Variants in LOC128125817 observed in about 807,000 individuals in gnomAD.
chr1:41,615,473 G>A, the LOC128125817 span, among the ~76,000 whole-genome samples: 2 of 152,252 alleles, frequency 1.3e-5, no homozygotes, highest in Non-Finnish European at 2.9e-5. Flanking sequence ...CGTTTGACAG[G>A]TGAAGATGCT....
At chr1:41,603,319 C>T in the LOC128125817 span, among the ~76,000 whole-genome samples, 14 of 151,668 alleles carry the variant, frequency 9.2e-5, no homozygotes, top group African/African-American at 2.4e-4. Context: ...CCACCCACCT[C>T]GGCCTCCCAA....
chr1:41,618,671 G>T, the LOC128125817 span, among the ~76,000 whole-genome samples: 2 of 152,130 alleles, frequency 1.3e-5, no homozygotes, highest in Non-Finnish European at 2.9e-5. Flanking sequence ...GACCACCCCA[G>T]GCCCCAGTGA....
chr1:41,618,441 A>G, the LOC128125817 span, among the ~76,000 whole-genome samples: 1 of 152,182 alleles, frequency 6.6e-6, no homozygotes, highest in African/African-American at 2.4e-5. Flanking sequence ...CAAAGGGCGT[A>G]GTGTTGAGGA....
At chr1:41,612,307 G>A in the LOC128125817 span, among the ~76,000 whole-genome samples, 2 of 152,160 alleles carry the variant, frequency 1.3e-5, no homozygotes, top group East Asian at 3.9e-4. Context: ...TGTTTCAGAT[G>A]GATCATAATC....
At chr1:41,625,216 A>T in the LOC128125817 span, among the ~76,000 whole-genome samples, 1 of 122,338 alleles carries the variant, frequency 8.2e-6, no homozygotes, top group Non-Finnish European at 1.7e-5. Context: ...CTTTGCAGTC[A>T]AGCCAAACGA....
chr1:41,599,201 C>T, the LOC128125817 span, among the ~76,000 whole-genome samples: 3 of 152,028 alleles, frequency 2.0e-5, no homozygotes, highest in African/African-American at 4.8e-5. Context: ...TATTGGATAT[C>T]CATATTAAAA....
At chr1:41,612,540 G>A in the LOC128125817 span, among the ~76,000 whole-genome samples, 5 of 152,168 alleles carry the variant, frequency 3.3e-5, no homozygotes, top group African/African-American at 9.7e-5. Flanking sequence ...TTGCAGATGA[G>A]GAAACAGAGG....
the LOC128125817 span, among the ~76,000 whole-genome samples, chr1:41,603,275 C>T: frequency 6.6e-6 from 1 of 152,006 alleles, no homozygotes; most frequent in Non-Finnish European, 1.5e-5. Context: ...ACCATGTTGG[C>T]CAGGCTGGTC....
At chr1:41,628,633 G>C in the LOC128125817 span, 1 of 850,898 alleles carries the variant, frequency 1.2e-6, no homozygotes, top group South Asian at 6.2e-5. Context: ...GAAAGGCAAC[G>C]ATAACACTAA....
the LOC128125817 span, among the ~76,000 whole-genome samples, chr1:41,624,387 A>G: frequency 2.0e-5 from 3 of 152,232 alleles, no homozygotes; most frequent in African/African-American, 7.2e-5. Context: ...ACATTCAAAC[A>G]TGCTCTATAG....
At chr1:41,588,917 G>C in the LOC128125817 span, among the ~76,000 whole-genome samples, 1 of 152,128 alleles carries the variant, frequency 6.6e-6, no homozygotes, top group African/African-American at 2.4e-5. Context: ...GGGGGAGAAG[G>C]GCAGCCAGGA....
chr1:41,617,484 CT>C, the LOC128125817 span, among the ~76,000 whole-genome samples: 1 of 152,204 alleles, frequency 6.6e-6, no homozygotes, highest in African/African-American at 2.4e-5. Context: ...CTCAAGTATT[CT>C]GTTACCCAGT....
chr1:41,618,931 G>A, the LOC128125817 span, among the ~76,000 whole-genome samples: 5 of 152,144 alleles, frequency 3.3e-5, no homozygotes, highest in African/African-American at 7.2e-5. Context: ...CATGGCCCCC[G>A]CAGTTGCCAC....
chr1:41,589,768 C>T, the LOC128125817 span, among the ~76,000 whole-genome samples: 4 of 152,154 alleles, frequency 2.6e-5, no homozygotes, highest in Non-Finnish European at 5.9e-5. Context: ...CTAAGCTGGC[C>T]CCAGGCTGGT....
the LOC128125817 span, among the ~76,000 whole-genome samples, chr1:41,610,736 G>C: frequency 6.6e-6 from 1 of 152,106 alleles, no homozygotes; most frequent in Non-Finnish European, 1.5e-5. Flanking sequence ...ACTGAATTCC[G>C]AGCGCAATTT....
At chr1:41,600,773 T>C in the LOC128125817 span, among the ~76,000 whole-genome samples, 6 of 152,184 alleles carry the variant, frequency 3.9e-5, no homozygotes, top group African/African-American at 1.4e-4. Context: ...AATAAGAATA[T>C]GTCATGAAGT....
chr1:41,585,378 A>G, the LOC128125817 span: 1 of 398,806 alleles, frequency 2.5e-6, no homozygotes, highest in East Asian at 3.6e-5. Flanking sequence ...AGACAGAGTT[A>G]CTGGGACTCA....
chr1:41,595,605 G>C, the LOC128125817 span, among the ~76,000 whole-genome samples: 48 of 152,268 alleles, frequency 3.2e-4, no homozygotes, highest in Admixed American at 3.0e-3. Flanking sequence ...GATTAATATC[G>C]AATGTCAACT....
the LOC128125817 span, among the ~76,000 whole-genome samples, chr1:41,586,733 T>C: frequency 6.6e-6 from 1 of 152,218 alleles, no homozygotes; most frequent in African/African-American, 2.4e-5. Context: ...GACACTGTGA[T>C]ATGCTTTGGA....
Sources: gnomAD v4.1 joint callset for allele counts (sites outside exome capture counted in the v4.1 genomes callset) on GRCh38, gnomAD v4.1.1 for gene constraint, MANE v1.5 for transcripts.